The following ZNF684 variants were observed in gnomAD, a reference collection of about 807,000 sequenced individuals.
ZNF684 encodes zinc finger protein 684.
A neutral mutation model predicts 12.8 loss-of-function variants in ZNF684; 13 were observed. The observed-to-expected ratio is 1.02, with a 90% CI of 0.66 to 1.62. The LOEUF is 1.62. ZNF684 is among the 40% of genes most tolerant of loss of function. The pLI is 0.00. For synonymous variants in ZNF684, 118 were observed against 151.8 expected (o/e 0.78, Z 1.64); for missense variants, 384 against 446.9 (o/e 0.86, Z 1.27).
chr1:40,537,342 C>T (rs1166891324), intron 2 of ZNF684, among the ~76,000 whole-genome samples: 1 of 152,042 alleles, frequency 6.6e-6, no homozygotes, highest in East Asian at 1.9e-4. Flanking sequence ...TTGGTAGAGC[C>T]TCATTAAATA....
In ZNF684 at chr1:40,547,299, CCT is replaced by C. The variant is rs2124513776; in HGVS notation, c.977_978del (p.Pro326LeufsTer5). On this transcript the variant is annotated frameshift_variant, in exon 5 of 5. Coordinates refer to ENST00000372699, the MANE Select transcript of ZNF684 (RefSeq NM_152373.4). LOFTEE classifies it low-confidence loss of function (END_TRUNC). ...THQRIHTGEK[P>X]YSCIECGKAF... ...CCAAAGAATTCATACAGGAGAGAAA[CCT>C]TACAGTTGTATTGAATGTGGCAAAG... 2.5e-6 allele frequency: 4 copies of C among 1,614,134 alleles called. No individual in the cohort carries two copies. The East Asian group carries it at 8.9e-5, about 36-fold the overall frequency.
chr1:40,534,666 T>C (rs1436586365), intron 2 of ZNF684, among the ~76,000 whole-genome samples: 1 of 152,152 alleles, frequency 6.6e-6, no homozygotes, highest in Non-Finnish European at 1.5e-5. Context: ...TCATTATCTC[T>C]TCTAATTGGC....
chr1:40,539,465 T>C (rs1308623514), intron 2 of ZNF684, among the ~76,000 whole-genome samples: 1 of 152,024 alleles, frequency 6.6e-6, no homozygotes, highest in African/African-American at 2.4e-5. Context: ...ACCACTCCAC[T>C]CCATTCCAGC....
intron 2 of ZNF684, among the ~76,000 whole-genome samples, chr1:40,535,589 G>GT (rs201419736): frequency 0.039 from 5,136 of 131,058 alleles, 275 homozygotes; most frequent in African/African-American, 0.14. Context: ...CTAGTAGATA[G>GT]TTGTTTTTTT....
chr1:40,547,379 G>C lies in ZNF684; in HGVS notation c.1056G>C (p.Glu352Asp). Residue 352 changes from glutamate to aspartate, a missense_variant, in exon 5 of 5, where the codon GAG becomes GAC. Glu to Asp is a conservative substitution (Grantham distance 45). Transcript: ENST00000372699. ...GACATCAGATAACTCATACAGGAGA[G>C]AAGCCCTATGAATGTAACAGATGTG... is the stretch of plus-strand genomic sequence containing the variant. ...LLRHQITHTG[E>D]KPYECNRCGK... The C allele has an allele frequency of 6.2e-7, 1 of 1,614,148 alleles. No homozygotes were observed. The highest frequency in any genetic ancestry group is 8.5e-7 in the Non-Finnish European group (1 of 1,180,020).
At chr1:40,545,640 A>G (rs907009041) in intron 4 of ZNF684, among the ~76,000 whole-genome samples, 3 of 152,180 alleles carry the variant, frequency 2.0e-5, no homozygotes, top group African/African-American at 7.2e-5. Context: ...TCTAGCTCTC[A>G]GTAGAGCTGG....
At chr1:40,545,978 A>T (rs1236744926) in intron 4 of ZNF684, among the ~76,000 whole-genome samples, 2 of 136,962 alleles carry the variant, frequency 1.5e-5, no homozygotes, top group Non-Finnish European at 3.0e-5. Flanking sequence ...GCTGGAGTAC[A>T]ATGGCGTGAT....
At chr1:40,537,250 G>A (rs575163770) in intron 2 of ZNF684, among the ~76,000 whole-genome samples, 9 of 152,206 alleles carry the variant, frequency 5.9e-5, no homozygotes, top group African/African-American at 1.7e-4. Context: ...TGGCACTTAC[G>A]TTTACTTTGT....
At chr1:40,539,531 G>T (rs565019943) in intron 2 of ZNF684, among the ~76,000 whole-genome samples, 1 of 152,080 alleles carries the variant, frequency 6.6e-6, no homozygotes, top group African/African-American at 2.4e-5. Context: ...AAGAAAAAAC[G>T]TCGTTGCTGC....
intron 2 of ZNF684, among the ~76,000 whole-genome samples, chr1:40,539,390 T>G (rs1646002415): frequency 6.6e-6 from 1 of 151,932 alleles, no homozygotes; most frequent in Non-Finnish European, 1.5e-5. Context: ...CCCAGCTACT[T>G]GAGAGGCTGA....
Position 40,546,206 on chromosome 1 carries a change from C to T in ZNF684, c.239-356C>T, listed in dbSNP as rs755728495. Among the ~76,000 whole-genome samples the T allele has an allele frequency of 2.0e-5, 3 of 152,180 alleles. No homozygotes were observed. In the East Asian group the frequency reaches 5.8e-4, roughly 29 times the overall value. ...AAAGTGCTGGGGTTACAGGCGTGAG[C>T]CGCCATGCCTGGCCTATCTCCTGTG... On this transcript the variant is annotated intron_variant, in intron 4 of 4. Transcript: ENST00000372699.
intron 2 of ZNF684, among the ~76,000 whole-genome samples, chr1:40,539,806 C>T (rs1020970494): frequency 2.6e-5 from 4 of 151,586 alleles, no homozygotes; most frequent in Non-Finnish European, 5.9e-5. Context: ...GGCTTATTTA[C>T]TATACACATA....
intron 4 of ZNF684, among the ~76,000 whole-genome samples, chr1:40,544,231 A>G (rs1646031774): frequency 6.6e-6 from 1 of 152,184 alleles, no homozygotes; most frequent in Non-Finnish European, 1.5e-5. Context: ...AAAGGAAGCA[A>G]AAATCTCATT....
chr1:40,543,907 A>G (rs1247228670), intron 4 of ZNF684, among the ~76,000 whole-genome samples: 1 of 151,974 alleles, frequency 6.6e-6, no homozygotes, highest in African/African-American at 2.4e-5. Flanking sequence ...AGCCAATTCT[A>G]TTATGACTCT....
intron 4 of ZNF684, among the ~76,000 whole-genome samples, chr1:40,545,925 T>C (rs1331723236): frequency 5.2e-5 from 7 of 135,596 alleles, no homozygotes; most frequent in South Asian, 2.6e-4. Flanking sequence ...CTTTTTTTTT[T>C]TTTTTTTTTT....
Position 40,547,401 on chromosome 1 carries a change from T to C in ZNF684, c.1078T>C (p.Cys360Arg), listed in dbSNP as rs139813674. ...AGAGAAGCCCTATGAATGTAACAGATGTGGGAAAGCATTTTCCCAGAAGTC... is the reference window on the plus strand; with the variant it reads ...AGAGAAGCCCTATGAATGTAACAGACGTGGGAAAGCATTTTCCCAGAAGTC... ...TGEKPYECNR[C>R]GKAFSQKSNL... Residue 360 changes from cysteine (C) to arginine (R), a missense_variant, in exon 5 of 5, where the codon TGT becomes CGT. Cys to Arg is a radical substitution (Grantham distance 180, BLOSUM62 -3). Coordinates refer to ENST00000372699, the MANE Select transcript of ZNF684 (RefSeq NM_152373.4). 5.6e-6 allele frequency: 9 copies of C among 1,612,920 alleles called. No individual in the cohort carries two copies. The East Asian group carries it at 1.8e-4, about 32-fold the overall frequency.
Position 40,547,061 on chromosome 1 carries a change from T to G in ZNF684, c.738T>G (p.Ser246Arg). 1 of 1,614,120 alleles carries G rather than the reference T, an allele frequency of 6.2e-7. No individual in the cohort carries two copies. The highest frequency in any genetic ancestry group is 8.5e-7 in the Non-Finnish European group (1 of 1,180,020). Reference sequence around the variant, plus strand: ...CTGGAGAGAAGCCTTATGAGTGCAGTCAATGTGGGAAAACATTCACTTGGA... The same window carrying G: ...CTGGAGAGAAGCCTTATGAGTGCAGGCAATGTGGGAAAACATTCACTTGGA... ...LHTGEKPYEC[S>R]QCGKTFTWNS... Residue 246 changes from serine (S) to arginine (R), a missense_variant, in exon 5 of 5, where the codon AGT (serine) becomes AGG (arginine). Ser to Arg is a moderately radical substitution (Grantham distance 110). Transcript: ENST00000372699.
chr1:40,536,999 C>T (rs1645989132), intron 2 of ZNF684, among the ~76,000 whole-genome samples: 1 of 152,038 alleles, frequency 6.6e-6, no homozygotes, highest in Non-Finnish European at 1.5e-5. Context: ...TTTATAGCAG[C>T]ATGATTTTTA....
chr1:40,538,511 G>T (rs72935451), intron 2 of ZNF684, among the ~76,000 whole-genome samples: 1 of 151,938 alleles, frequency 6.6e-6, no homozygotes, highest in African/African-American at 2.4e-5. Flanking sequence ...TTGAATTCTC[G>T]TGGGTATATA....
Sources: gnomAD v4.1 joint callset for allele counts (sites outside exome capture counted in the v4.1 genomes callset) on GRCh38, gnomAD v4.1.1 for gene constraint, MANE v1.5 for transcripts, NCBI Gene and HGNC (gene_info 2026-07-23, HGNC 2026-07-21) for gene names.